The following ADAMTS19 variants were observed in gnomAD, a reference collection of about 807,000 sequenced individuals.
The protein encoded by ADAMTS19 is ADAM metallopeptidase with thrombospondin type 1 motif 19, also known as A disintegrin and metalloproteinase with thrombospondin motifs 19.
In ADAMTS19, 93 loss-of-function variants were observed where a neutral mutation model predicts 153.3. The ratio of observed to expected loss-of-function variants is 0.61; its 90% CI spans 0.51 to 0.72. ADAMTS19 has a LOEUF of 0.72. ADAMTS19 is among the 30% of genes least tolerant of loss of function. The pLI is 0.00. For missense variants in ADAMTS19, 1,482 were observed against 1,552.1 expected (o/e 0.95, Z 0.76); for synonymous variants, 600 against 556.6 (o/e 1.08, Z -1.10).
intron 6 of ADAMTS19, among the ~76,000 whole-genome samples, chr5:129,546,975 G>C (rs995747299): frequency 1.3e-5 from 2 of 151,106 alleles, no homozygotes; most frequent in Middle Eastern, 3.4e-3. Flanking sequence ...TTTTCAGGAG[G>C]AAGAGCTTTA....
chr5:129,696,747 C>T (rs1431696072), intron 19 of ADAMTS19, among the ~76,000 whole-genome samples: 1 of 152,236 alleles, frequency 6.6e-6, no homozygotes, highest in Middle Eastern at 3.4e-3. Context: ...AAGGTGGATT[C>T]AAAGACTTTC....
intron 21 of ADAMTS19, among the ~76,000 whole-genome samples, chr5:129,732,749 T>C (rs1757494268): frequency 6.6e-6 from 1 of 151,956 alleles, no homozygotes; most frequent in African/African-American, 2.4e-5. Context: ...CAAAGCAATC[T>C]AGAGATTCAG....
At chr5:129,673,678 T>G (rs1754413509) in intron 16 of ADAMTS19, among the ~76,000 whole-genome samples, 1 of 152,204 alleles carries the variant, frequency 6.6e-6, no homozygotes, top group South Asian at 2.1e-4. Context: ...ATATTCTTAC[T>G]GATACTCATC....
At chr5:129,629,872 T>C (rs1338626123) in intron 10 of ADAMTS19, among the ~76,000 whole-genome samples, 2 of 151,904 alleles carry the variant, frequency 1.3e-5, no homozygotes, top group African/African-American at 4.8e-5. Context: ...AATACAGAGG[T>C]ATGGAAGGAT....
chr5:129,528,369 T>A (rs1752087295), intron 5 of ADAMTS19, 151 bp from the exon 6 acceptor site: 1 of 532,724 alleles, frequency 1.9e-6, no homozygotes. Context: ...TCAGGGTAAA[T>A]TAAACCTGCA....
intron 16 of ADAMTS19, among the ~76,000 whole-genome samples, chr5:129,666,934 A>G (rs918462896): frequency 6.6e-6 from 1 of 152,192 alleles, no homozygotes; most frequent in Non-Finnish European, 1.5e-5. Flanking sequence ...AAATTATAAT[A>G]TGGGTTTTAG....
intron 8 of ADAMTS19, among the ~76,000 whole-genome samples, chr5:129,604,949 C>T (rs1451683377): frequency 6.6e-6 from 1 of 152,112 alleles, no homozygotes; most frequent in Non-Finnish European, 1.5e-5. Flanking sequence ...CAACCAAAAG[C>T]CAAAGAATTA....
At chr5:129,683,108 T>A (rs1754899387) in intron 17 of ADAMTS19, among the ~76,000 whole-genome samples, 1 of 151,998 alleles carries the variant, frequency 6.6e-6, no homozygotes, top group Non-Finnish European at 1.5e-5. Flanking sequence ...TATAGATTGT[T>A]TCCATAGATC....
intron 6 of ADAMTS19, among the ~76,000 whole-genome samples, chr5:129,535,942 C>G (rs1424432761): frequency 3.3e-5 from 5 of 152,060 alleles, no homozygotes; most frequent in Non-Finnish European, 4.4e-5. Context: ...CATGTTAGAC[C>G]TAAAACCATA....
Position 129,648,819 on chromosome 5 carries a change from T to C in ADAMTS19, c.2025T>C (p.Asp675=). The C allele has an allele frequency of 6.2e-7, 1 of 1,613,702 alleles. No homozygotes were observed. Among genetic ancestry groups the C allele is most frequent in the Non-Finnish European group, 8.5e-7 (1 of 1,179,874 alleles). ...KCPGLDSEAR[D]CNGPRKQYRI... ...CTAGGCTAGATTCTGAAGCAAGGGA[T>C]TGTAATGGTCCCAGAAAACAATACA... The change falls in exon 13 of 23, where the codon GAT becomes GAC. Residue 675 remains aspartate, a synonymous_variant. Coordinates refer to ENST00000274487, the MANE Select transcript of ADAMTS19 (RefSeq NM_133638.6).
At chr5:129,683,672 C>G (rs1219879839) in intron 17 of ADAMTS19, among the ~76,000 whole-genome samples, 1 of 151,836 alleles carries the variant, frequency 6.6e-6, no homozygotes, top group Non-Finnish European at 1.5e-5. Flanking sequence ...TCCTGTCCAT[C>G]TTTTCTTTTC....
At chr5:129,599,658 A>G (rs1263140210) in intron 8 of ADAMTS19, among the ~76,000 whole-genome samples, 1 of 152,220 alleles carries the variant, frequency 6.6e-6, no homozygotes. Flanking sequence ...CCATGGAGCT[A>G]CAACTATTTA....
chr5:129,538,079 T>G (rs1048315792), intron 6 of ADAMTS19, among the ~76,000 whole-genome samples: 6 of 152,106 alleles, frequency 3.9e-5, no homozygotes, highest in Non-Finnish European at 8.8e-5. Flanking sequence ...TCTTTCTTCC[T>G]TCTTAACAGT....
At chr5:129,560,055 A>G (rs746951881) in intron 7 of ADAMTS19, among the ~76,000 whole-genome samples, 12 of 152,176 alleles carry the variant, frequency 7.9e-5, no homozygotes, top group Non-Finnish European at 1.5e-4. Context: ...AAATGTCTTA[A>G]TTTTACTTCA....
At chr5:129,709,766 G>A (rs1435174491) in intron 21 of ADAMTS19, among the ~76,000 whole-genome samples, 2 of 152,148 alleles carry the variant, frequency 1.3e-5, no homozygotes, top group East Asian at 1.9e-4. Context: ...GTCATTTTGA[G>A]CCTTACCTAT....
At chr5:129,590,321 A>G (rs999215773) in intron 7 of ADAMTS19, among the ~76,000 whole-genome samples, 4 of 152,144 alleles carry the variant, frequency 2.6e-5, no homozygotes, top group Non-Finnish European at 1.5e-5. Flanking sequence ...AACCTCAGCT[A>G]TACATTCAAA....
At chr5:129,469,764 G>A (rs1483624882) in intron 2 of ADAMTS19, among the ~76,000 whole-genome samples, 2 of 152,130 alleles carry the variant, frequency 1.3e-5, no homozygotes, top group Non-Finnish European at 2.9e-5. Context: ...TATCCTTTTA[G>A]AGTTCATCAC....
rs200663143 is a variant in ADAMTS19 at position 129,460,367 on chromosome 5, G to A, written c.-25G>A. The A allele has an allele frequency of 6.9e-5, 110 of 1,605,442 alleles. No individual in the cohort carries two copies. Among genetic ancestry groups the A allele is most frequent in the Non-Finnish European group, 8.3e-5 (98 of 1,174,912 alleles). On this transcript the variant is annotated 5_prime_UTR_variant, in exon 1 of 23. Transcript: ENST00000274487. ...CGCGCTGGAGGCGTGCGCCGGGCGA[G>A]AAGCCGCGGCCGCGGGAGCGCAGTA...
intron 21 of ADAMTS19, among the ~76,000 whole-genome samples, chr5:129,725,117 C>G (rs952893312): frequency 6.6e-6 from 1 of 152,074 alleles, no homozygotes; most frequent in African/African-American, 2.4e-5. Flanking sequence ...TTACTAAGGA[C>G]TCTCTGACTC....
Sources: gnomAD v4.1 joint callset for allele counts (sites outside exome capture counted in the v4.1 genomes callset) on GRCh38, gnomAD v4.1.1 for gene constraint, MANE v1.5 for transcripts, NCBI Gene and HGNC (gene_info 2026-07-23, HGNC 2026-07-21) for gene names.